Variants in CDH18 observed in about 807,000 individuals in gnomAD.
CDH18 encodes the protein cadherin 18.
In CDH18, 31 loss-of-function variants were observed where a neutral mutation model predicts 67.9. The ratio of observed to expected loss-of-function variants is 0.46; its 90% CI spans 0.34 to 0.62. The LOEUF is 0.62. Among genes scored for constraint, CDH18 ranks in the 20% least tolerant of loss-of-function variants. The probability of loss-of-function intolerance (pLI) is 0.01; values close to 1 mark genes in which losing one functional copy is unlikely to be tolerated. For missense variants in CDH18, 890 were observed against 975.5 expected, an observed-to-expected ratio of 0.91 and a Z score of 1.17; for synonymous variants, 362 against 347.2, an observed-to-expected ratio of 1.04 and a Z score of -0.48.
At chr5:20,228,328 G>T (rs1028825113) in intron 2 of CDH18, among the ~76,000 whole-genome samples, 1 of 151,954 alleles carries the variant, frequency 6.6e-6, no homozygotes, top group Non-Finnish European at 1.5e-5. Flanking sequence ...TGCCTTCAAA[G>T]TCCTCTTCCT....
rs1740855317 is a variant in CDH18, at chr5:20,045,931, T to C, written c.-517-53917A>G. On this transcript the variant is annotated intron_variant, in intron 2 of 14. Coordinates refer to the CDH18 transcript ENST00000507958. ...GAAATGGAAAAATAAACGCTGGTTATTTACAAGCTGCCCAGCCTATGGTAG... is the reference window on the plus strand; with the variant it reads ...GAAATGGAAAAATAAACGCTGGTTACTTACAAGCTGCCCAGCCTATGGTAG... Among the ~76,000 whole-genome samples, 4 of 152,074 alleles carry C rather than the reference T, an allele frequency of 2.6e-5. No individual in the cohort carries two copies. The South Asian group carries it at 8.3e-4, about 31-fold the overall frequency.
Position 19,701,977 on chromosome 5 carries a change from T to C in CDH18, c.643+19370A>G, listed in dbSNP as rs182099757. 1.1e-3 allele frequency among the ~76,000 whole-genome samples: 163 copies of C among 152,166 alleles called. 1 individual carries two copies. The highest frequency in any genetic ancestry group is 3.7e-3 in the African/African-American group (154 of 41,528). ...ATCAAGGCACCAAAATGTCTACAAA[T>C]ATAATCATTTATCATGACCTAAGTG... is the stretch of plus-strand genomic sequence containing the variant. On this transcript the variant is annotated intron_variant, in intron 5 of 12. Coordinates refer to ENST00000382275, the MANE Select transcript of CDH18 (RefSeq NM_004934.5).
intron 2 of CDH18, among the ~76,000 whole-genome samples, chr5:20,053,314 T>TAC (rs775929882): frequency 3.3e-4 from 50 of 149,612 alleles, no homozygotes; most frequent in Non-Finnish European, 5.1e-4. Flanking sequence ...ATAGCATACA[T>TAC]ACACACACAC....
intron 8 of CDH18, among the ~76,000 whole-genome samples, chr5:19,570,922 T>G (rs1741275850): frequency 6.6e-6 from 1 of 152,204 alleles, no homozygotes; most frequent in Admixed American, 6.5e-5. Flanking sequence ...TCCACATGAC[T>G]GAATGACTGT....
At chr5:19,576,777 T>A (rs62349545) in intron 7 of CDH18, among the ~76,000 whole-genome samples, 1 of 152,226 alleles carries the variant, frequency 6.6e-6, no homozygotes, top group East Asian at 1.9e-4. Flanking sequence ...CCCAAAGACA[T>A]GGCTGCACCC....
chr5:19,583,470 T>G (rs1180400589), intron 7 of CDH18, among the ~76,000 whole-genome samples: 1 of 152,146 alleles, frequency 6.6e-6, no homozygotes, highest in East Asian at 1.9e-4. Context: ...ATGAAGACAG[T>G]ATATACATTG....
At chr5:20,456,405 A>G (rs1750838586) in intron 1 of CDH18, among the ~76,000 whole-genome samples, 1 of 152,084 alleles carries the variant, frequency 6.6e-6, no homozygotes, top group Admixed American at 6.6e-5. Flanking sequence ...CCAAAAAGGT[A>G]TTTATTTTAT....
At chr5:19,940,298 A>ATAT (rs1462208277) in intron 2 of CDH18, among the ~76,000 whole-genome samples, 2 of 151,856 alleles carry the variant, frequency 1.3e-5, no homozygotes, top group East Asian at 3.9e-4. Flanking sequence ...AATATTGTAA[A>ATAT]AATATAGCTT....
intron 1 of CDH18, among the ~76,000 whole-genome samples, chr5:20,531,753 C>T (rs529646178): frequency 6.6e-5 from 10 of 151,916 alleles, no homozygotes; most frequent in South Asian, 6.2e-4. Flanking sequence ...GGGCAGGCTG[C>T]GGGCAGAGCA....
chr5:20,203,730 C>A (rs1739647176), intron 2 of CDH18, among the ~76,000 whole-genome samples: 1 of 150,006 alleles, frequency 6.7e-6, no homozygotes, highest in Non-Finnish European at 1.5e-5. Flanking sequence ...CCACAAGAAA[C>A]AACAACAATA....
intron 2 of CDH18, among the ~76,000 whole-genome samples, chr5:20,230,180 G>C (rs17225124): frequency 0.53 from 80,966 of 151,832 alleles, 21,692 homozygotes; most frequent in Middle Eastern, 0.67. Context: ...GCTAATAATT[G>C]CATGTGTATA....
chr5:19,787,022 G>A (rs899043966), intron 3 of CDH18, among the ~76,000 whole-genome samples: 4 of 152,146 alleles, frequency 2.6e-5, no homozygotes, highest in Non-Finnish European at 2.9e-5. Flanking sequence ...GGATATTTGA[G>A]AGAAACTGAT....
intron 1 of CDH18, among the ~76,000 whole-genome samples, chr5:20,415,356 C>CA (rs1228955071): frequency 2.0e-5 from 3 of 149,248 alleles, no homozygotes; most frequent in Non-Finnish European, 1.5e-5. Context: ...CACTGCACTC[C>CA]AAAAAAATAA....
chr5:19,608,520 A>G (rs1748441924), intron 6 of CDH18, among the ~76,000 whole-genome samples: 1 of 151,692 alleles, frequency 6.6e-6, no homozygotes, highest in Non-Finnish European at 1.5e-5. Flanking sequence ...CCCAAAAAAA[A>G]TCAATGCCAA....
chr5:19,647,288 C>A (rs879846937), intron 5 of CDH18, among the ~76,000 whole-genome samples: 1 of 151,436 alleles, frequency 6.6e-6, no homozygotes, highest in Admixed American at 6.6e-5. Flanking sequence ...TTTGGTAGGC[C>A]GAAGCAGGCG....
chr5:19,843,114 G>A (rs1296181471), intron 2 of CDH18, among the ~76,000 whole-genome samples: 1 of 152,166 alleles, frequency 6.6e-6, no homozygotes, highest in Non-Finnish European at 1.5e-5. Context: ...TAAGTAACAA[G>A]AAGCCAAATG....
At chr5:19,729,112 AT>A (rs1471694495) in intron 4 of CDH18, among the ~76,000 whole-genome samples, 1 of 152,178 alleles carries the variant, frequency 6.6e-6, no homozygotes, top group African/African-American at 2.4e-5. Context: ...GCAATTGTTA[AT>A]TTCTGTGCAC....
intron 3 of CDH18, among the ~76,000 whole-genome samples, chr5:19,824,594 C>G (rs1262810661): frequency 6.6e-6 from 1 of 152,190 alleles, no homozygotes; most frequent in Non-Finnish European, 1.5e-5. Context: ...GGTCCCAAAG[C>G]AGATGAGCAC....
At chr5:19,917,302 C>T (rs7718470) in intron 2 of CDH18, among the ~76,000 whole-genome samples, 136,357 of 151,878 alleles carry the variant, frequency 0.9, 62,373 homozygotes, top group Non-Finnish European at 0.99. Flanking sequence ...TTCTGGGCTT[C>T]CTTACGTTCT....
Sources: gnomAD v4.1 joint callset for allele counts (sites outside exome capture counted in the v4.1 genomes callset) on GRCh38, gnomAD v4.1.1 for gene constraint, MANE v1.5 for transcripts, NCBI Gene and HGNC (gene_info 2026-07-23, HGNC 2026-07-21) for gene names.